Variants in COL21A1 observed in about 807,000 individuals in gnomAD.
COL21A1 encodes the protein collagen alpha-1(XXI) chain.
Under a neutral mutation model 137.9 loss-of-function variants are expected in COL21A1, and 149 were observed. That is an observed-to-expected ratio of 1.08 (90% CI 0.95 to 1.24). The LOEUF (loss-of-function observed/expected upper bound fraction) is 1.24, where lower values mean the gene tolerates loss of function less well. Among genes scored for constraint, COL21A1 ranks in the 50% most tolerant of loss-of-function variants. The pLI is 0.00. For missense variants in COL21A1, 1,167 were observed against 1,158.4 expected (o/e 1.01, Z -0.11); for synonymous variants, 456 against 391.5 (o/e 1.16, Z -1.95).
chr6:56,325,034 T>A (rs1402915461), intron 1 of COL21A1, among the ~76,000 whole-genome samples: 1 of 150,910 alleles, frequency 6.6e-6, no homozygotes, highest in Non-Finnish European at 1.5e-5. Context: ...ATCATACCCT[T>A]TTTGCGCTAT....
At chr6:56,303,773 A>G (rs968720049) in intron 1 of COL21A1, among the ~76,000 whole-genome samples, 18 of 152,144 alleles carry the variant, frequency 1.2e-4, no homozygotes, top group Non-Finnish European at 7.3e-5. Flanking sequence ...ACTATGTTGA[A>G]TAGGAGTGGT....
intron 19 of COL21A1, 97 bp from the exon 20 acceptor site, chr6:56,074,382 C>T: frequency 4.0e-6 from 3 of 753,410 alleles, no homozygotes; most frequent in Non-Finnish European, 4.3e-6. Context: ...AATTAATTCA[C>T]TAAATTATAA....
chr6:56,128,043 C>T (rs184102023), intron 12 of COL21A1, among the ~76,000 whole-genome samples: 1 of 152,198 alleles, frequency 6.6e-6, no homozygotes, highest in Non-Finnish European at 1.5e-5. Context: ...GGGGTGGACA[C>T]ACAATTGTGC....
chr6:56,331,995 T>TA (rs1231382616), intron 1 of COL21A1: 1 of 152,128 alleles, frequency 6.6e-6, no homozygotes, highest in Non-Finnish European at 1.5e-5. Context: ...CATTTATATA[T>TA]AAAAAACACA....
Position 56,303,405 on chromosome 6 carries a change from A to C in COL21A1, c.-39+90566T>G, listed in dbSNP as rs377305934. On this transcript the variant is annotated intron_variant, in intron 1 of 28. Transcript: ENST00000370819. ...ATTTGTTTGTATCCTCTTTTATTTC[A>C]TTGAGCAGTGGTTTGTAGTTCTCCT... Among the ~76,000 whole-genome samples, 18 of 151,728 alleles carry C rather than the reference A, an allele frequency of 1.2e-4. No homozygotes were observed. The East Asian group carries it at 1.6e-3, about 13-fold the overall frequency.
chr6:56,274,768 T>C (rs1763604087), intron 1 of COL21A1, among the ~76,000 whole-genome samples: 1 of 151,946 alleles, frequency 6.6e-6, no homozygotes, highest in Non-Finnish European at 1.5e-5. Flanking sequence ...GATTAAAAAA[T>C]CAGTATTATT....
intron 1 of COL21A1, among the ~76,000 whole-genome samples, chr6:56,187,919 A>G (rs1342556533): frequency 6.6e-6 from 1 of 152,204 alleles, no homozygotes; most frequent in African/African-American, 2.4e-5. Context: ...AATGACTCAT[A>G]TCAGAAAACA....
intron 1 of COL21A1, among the ~76,000 whole-genome samples, chr6:56,267,663 G>C (rs542219081): frequency 6.7e-6 from 1 of 149,652 alleles, no homozygotes; most frequent in East Asian, 2.0e-4. Flanking sequence ...GGCTGAGGCA[G>C]GGAGAATCGC....
chr6:56,300,757 A>G (rs1250066824), intron 1 of COL21A1, among the ~76,000 whole-genome samples: 2 of 152,168 alleles, frequency 1.3e-5, no homozygotes, highest in Non-Finnish European at 2.9e-5. Context: ...TTCAGTCTCT[A>G]TTCAATTGGT....
chr6:56,297,063 T>C lies in COL21A1; in HGVS notation c.-39+96908A>G, dbSNP rs1323376203. Among the ~76,000 whole-genome samples the C allele has an allele frequency of 9.2e-5, 14 of 152,042 alleles. No individual in the cohort carries two copies. The South Asian group carries it at 2.9e-3, about 31-fold the overall frequency. On this transcript the variant is annotated intron_variant, in intron 1 of 28. Transcript: ENST00000370819. Reference sequence around the variant, plus strand: ...TGTTGTAGCTTTATCATAATAGTCTTCTGCTTTATTAAATTGCCAATCTCC... The same window carrying C: ...TGTTGTAGCTTTATCATAATAGTCTCCTGCTTTATTAAATTGCCAATCTCC...
At chr6:56,117,660 C>T (rs1488612490) in intron 16 of COL21A1, among the ~76,000 whole-genome samples, 1 of 151,968 alleles carries the variant, frequency 6.6e-6, no homozygotes, top group East Asian at 1.9e-4. Flanking sequence ...GTGGATTATT[C>T]TCGAAGACAG....
At chr6:56,094,259 T>C (rs976674260) in intron 17 of COL21A1, among the ~76,000 whole-genome samples, 1 of 152,184 alleles carries the variant, frequency 6.6e-6, no homozygotes, top group African/African-American at 2.4e-5. Flanking sequence ...CAGGACATCA[T>C]TTAGCTAAAT....
intron 1 of COL21A1, among the ~76,000 whole-genome samples, chr6:56,384,201 T>C (rs1183754281): frequency 1.3e-5 from 2 of 152,156 alleles, no homozygotes; most frequent in East Asian, 1.9e-4. Context: ...AGTGCTTCCT[T>C]GAACAGGCAT....
At chr6:56,215,159 T>A (rs1180918205) in intron 1 of COL21A1, among the ~76,000 whole-genome samples, 1 of 152,202 alleles carries the variant, frequency 6.6e-6, no homozygotes, top group Admixed American at 6.6e-5. Context: ...TTCCGTCCCC[T>A]CATGGCAAAG....
chr6:56,060,075 C>G lies in COL21A1; in HGVS notation c.2551G>C (p.Asp851His), dbSNP rs770857620. ...ACACCCACTAATCCAGGAACACCATCTCTTCCTGGCAAACCAGGTAATCCT... is the reference window on the plus strand; with the variant it reads ...ACACCCACTAATCCAGGAACACCATGTCTTCCTGGCAAACCAGGTAATCCT... ...PRGLPGLPGR[D>H]GVPGLVGVPG... is the part of the protein sequence containing the mutation. The change falls in exon 28 of 30, where the codon GAT becomes CAT. Residue 851 changes from aspartate to histidine, a missense_variant. By Grantham distance (81) the Asp-to-His change is moderately conservative. Coordinates refer to ENST00000244728, the MANE Select transcript of COL21A1 (RefSeq NM_030820.4). 3.7e-6 allele frequency: 6 copies of G among 1,610,658 alleles called. No homozygotes were observed. In the South Asian group the frequency reaches 6.6e-5, roughly 18 times the overall value.
intron 3 of COL21A1, among the ~76,000 whole-genome samples, chr6:56,174,452 C>G (rs1013379529): frequency 2.0e-5 from 3 of 151,568 alleles, no homozygotes; most frequent in African/African-American, 4.8e-5. Context: ...AGAGAAGACT[C>G]AAAACAGGAA....
At chr6:56,207,662 G>T (rs539579835) in intron 1 of COL21A1, among the ~76,000 whole-genome samples, 1 of 152,210 alleles carries the variant, frequency 6.6e-6, no homozygotes, top group Middle Eastern at 3.4e-3. Context: ...GAAAAAGAGG[G>T]AATCCTCCCT....
At chr6:56,279,766 G>A (rs984161890) in intron 1 of COL21A1, among the ~76,000 whole-genome samples, 2 of 152,194 alleles carry the variant, frequency 1.3e-5, no homozygotes, top group African/African-American at 4.8e-5. Flanking sequence ...TGAGAACACT[G>A]AGATGCCATC....
chr6:56,126,116 G>A lies in COL21A1; in HGVS notation c.1576C>T (p.His526Tyr). 6.5e-7 allele frequency: 1 copy of A among 1,548,576 alleles called. No homozygotes were observed. Among genetic ancestry groups the A allele is most frequent in the Non-Finnish European group, 8.7e-7 (1 of 1,145,402 alleles). ...TCAACCTTTGATCCTGGCATGCCAT[G>A]AAGCCCAGGAAAACCAGGAAGTCCA... ...DRGLPGFPGL[H>Y]GMPGSKGEMG... Residue 526 changes from histidine to tyrosine, a missense_variant, in exon 13 of 30, where the codon CAT (histidine) becomes TAT (tyrosine). His to Tyr is a moderately conservative substitution (Grantham distance 83). Transcript: ENST00000244728.
Sources: gnomAD v4.1 joint callset for allele counts (sites outside exome capture counted in the v4.1 genomes callset) on GRCh38, gnomAD v4.1.1 for gene constraint, MANE v1.5 for transcripts, NCBI Gene and HGNC (gene_info 2026-07-23, HGNC 2026-07-21) for gene names.